Variants in FGF14 observed in about 807,000 individuals in gnomAD.
FGF14 encodes fibroblast growth factor 14.
In FGF14, 5 loss-of-function variants were observed where a neutral mutation model predicts 25.5. The ratio of observed to expected loss-of-function variants is 0.20; its 90% confidence interval spans 0.10 to 0.41. The LOEUF (loss-of-function observed/expected upper bound fraction) is 0.41. FGF14 is among the 10% of genes least tolerant of loss of function. The probability of loss-of-function intolerance (pLI) is 1.00; values close to 1 mark genes in which losing one functional copy is unlikely to be tolerated. For missense variants in FGF14, 222 were observed against 320.1 expected (o/e 0.69, Z 2.34); for synonymous variants, 138 against 118.3 (o/e 1.17, Z -1.08).
chr13:102,115,069 T>C (rs183367787), intron 1 of FGF14, among the ~76,000 whole-genome samples: 6 of 152,264 alleles, frequency 3.9e-5, no homozygotes, highest in Admixed American at 3.9e-4. Context: ...ATTTGAGAAA[T>C]GAGAGTGGAG....
At chr13:102,113,231 G>C (rs1023170276) in intron 1 of FGF14, among the ~76,000 whole-genome samples, 1 of 152,180 alleles carries the variant, frequency 6.6e-6, no homozygotes, top group South Asian at 2.1e-4. Flanking sequence ...TAAAAGATCA[G>C]AATCAGTTTG....
At chr13:102,342,839 G>A (rs1174030779) in intron 1 of FGF14, among the ~76,000 whole-genome samples, 1 of 151,996 alleles carries the variant, frequency 6.6e-6, no homozygotes, top group Non-Finnish European at 1.5e-5. Context: ...GGGTGGGTGG[G>A]GCTCAAAATT....
chr13:101,725,376 C>G (rs2035344834), intron 4 of FGF14, among the ~76,000 whole-genome samples: 1 of 151,960 alleles, frequency 6.6e-6, no homozygotes, highest in Non-Finnish European at 1.5e-5. Flanking sequence ...ATATTTCAGA[C>G]TCTGGAATAA....
rs1027383069 is a variant in FGF14, at chr13:101,891,564, A to G, written c.194-16268T>C. 1.2e-4 allele frequency among the ~76,000 whole-genome samples: 18 copies of G among 152,176 alleles called. 1 individual carries two copies. Among genetic ancestry groups the G allele is most frequent in the Non-Finnish European group, 4.4e-5 (3 of 68,018 alleles). ...TTAGCCATTATTCACTGTGTCAAAC[A>G]CACTACTAAGAATTTTATAAACATT... is the stretch of plus-strand genomic sequence containing the variant. On this transcript the variant is annotated intron_variant, in intron 1 of 4. Coordinates refer to ENST00000376143, the MANE Select transcript of FGF14 (RefSeq NM_004115.4).
At chr13:101,934,869 T>C (rs565161493) in intron 1 of FGF14, among the ~76,000 whole-genome samples, 1 of 152,304 alleles carries the variant, frequency 6.6e-6, no homozygotes, top group East Asian at 1.9e-4. Context: ...GGAAACTCAA[T>C]TCTATTTTTT....
At chr13:102,099,136 G>A (rs1382215033) in intron 1 of FGF14, among the ~76,000 whole-genome samples, 1 of 152,144 alleles carries the variant, frequency 6.6e-6, no homozygotes, top group Non-Finnish European at 1.5e-5. Context: ...CTTCTCAGCT[G>A]AGGGTCTTCT....
intron 1 of FGF14, among the ~76,000 whole-genome samples, chr13:102,122,431 T>C (rs1465451595): frequency 6.6e-6 from 1 of 152,160 alleles, no homozygotes; most frequent in Non-Finnish European, 1.5e-5. Context: ...CCCTAGCCCA[T>C]ATGTGCCCAC....
chr13:102,201,212 C>T (rs999806157), intron 1 of FGF14, among the ~76,000 whole-genome samples: 2 of 150,108 alleles, frequency 1.3e-5, no homozygotes, highest in Non-Finnish European at 3.0e-5. Context: ...ATCTAGTGGG[C>T]GATCTCCTCA....
intron 3 of FGF14, among the ~76,000 whole-genome samples, chr13:101,729,227 T>G (rs1164647917): frequency 6.6e-6 from 1 of 152,138 alleles, no homozygotes. Context: ...AGCCTTCTTA[T>G]TTGTGGCTAA....
At chr13:102,054,954 A>T (rs1412026214) in intron 1 of FGF14, among the ~76,000 whole-genome samples, 1 of 151,936 alleles carries the variant, frequency 6.6e-6, no homozygotes, top group Non-Finnish European at 1.5e-5. Context: ...GATTTTCATC[A>T]CCCATCTTTT....
intron 3 of FGF14, among the ~76,000 whole-genome samples, chr13:101,733,701 C>T (rs1010757156): frequency 1.3e-5 from 2 of 151,254 alleles, no homozygotes; most frequent in Non-Finnish European, 2.9e-5. Flanking sequence ...GTCTCGACAG[C>T]AACTTATATT....
rs140274755 is a variant in FGF14 at position 102,401,402 on chromosome 13, G to C, written c.208+69C>G. The C allele has an allele frequency of 1.9e-4, 279 of 1,449,136 alleles. 1 individual carries two copies. In the African/African-American group the frequency reaches 3.1e-3, roughly 16 times the overall value. The allele number at this position is 1,449,136 out of a possible 1,614,324, so 89.8% of individuals were successfully genotyped here. On this transcript the variant is annotated intron_variant, in intron 1 of 4. Coordinates refer to the FGF14 transcript ENST00000376131. ...TGCCTTCCTGCATAGCAGAACTGCAGATCTAGCTCGATGAGCAACAGACAG... is the reference window on the plus strand; with the variant it reads ...TGCCTTCCTGCATAGCAGAACTGCACATCTAGCTCGATGAGCAACAGACAG...
chr13:101,792,646 C>T (rs1269439656), intron 3 of FGF14, among the ~76,000 whole-genome samples: 2 of 152,126 alleles, frequency 1.3e-5, no homozygotes, highest in Non-Finnish European at 2.9e-5. Context: ...CATCATAAAA[C>T]AAATCTTGTG....
chr13:101,919,494 T>C (rs538989073), upstream of FGF14, among the ~76,000 whole-genome samples: 1 of 152,158 alleles, frequency 6.6e-6, no homozygotes, highest in South Asian at 2.1e-4. Flanking sequence ...GCCTCTATTT[T>C]TGCAGGCATT....
intron 1 of FGF14, among the ~76,000 whole-genome samples, chr13:102,310,993 C>T (rs1405887307): frequency 6.6e-6 from 1 of 151,928 alleles, no homozygotes; most frequent in Non-Finnish European, 1.5e-5. Context: ...TTAATATGAT[C>T]AGCTGTGTCC....
chr13:101,911,508 T>C lies in FGF14; in HGVS notation c.193+4945A>G, dbSNP rs983165543. On this transcript the variant is annotated intron_variant, in intron 1 of 4. Coordinates refer to ENST00000376143, the MANE Select transcript of FGF14 (RefSeq NM_004115.4). ...CTTTACTTATTGAACTACTGAGGTA[T>C]TAAACATTTTCAGAAACCTATAGCA... Among the ~76,000 whole-genome samples, 4 of 152,184 alleles carry C rather than the reference T, an allele frequency of 2.6e-5. No homozygotes were observed. In the East Asian group the frequency reaches 7.7e-4, roughly 29 times the overall value.
rs76723319 is a variant in FGF14, at chr13:102,139,602, G to A, written c.208+261869C>T. Among the ~76,000 whole-genome samples, 950 of 152,204 alleles carry A rather than the reference G, an allele frequency of 6.2e-3. 16 individuals are homozygous for A. Among genetic ancestry groups the A allele is most frequent in the East Asian group, 0.039 (201 of 5,160 alleles). On this transcript the variant is annotated intron_variant, in intron 1 of 4. Coordinates refer to the FGF14 transcript ENST00000376131. ...CCACGGATGACTGCTGTGGAGGGGG[G>A]GATGGCATGGAAGAGATAATGCTAG...
chr13:101,791,573 C>T (rs1328356), intron 3 of FGF14, among the ~76,000 whole-genome samples: 54,983 of 151,928 alleles, frequency 0.36, 10,721 homozygotes, highest in East Asian at 0.75. Flanking sequence ...TACTTCCTTA[C>T]AAGCAAGGAG....
intron 1 of FGF14, among the ~76,000 whole-genome samples, chr13:102,156,162 G>A (rs1430921228): frequency 2.0e-5 from 3 of 152,086 alleles, no homozygotes; most frequent in Non-Finnish European, 4.4e-5. Context: ...CATTTTATGA[G>A]GCCAGCATCA....
Sources: allele counts gnomAD v4.1 joint callset (sites outside exome capture counted in the v4.1 genomes callset), GRCh38; gene constraint gnomAD v4.1.1; transcripts MANE v1.5; gene names NCBI Gene and HGNC (gene_info 2026-07-23, HGNC 2026-07-21).